The following SVEP1 variants were observed in gnomAD, a reference collection of about 807,000 sequenced individuals.
SVEP1 encodes sushi, von Willebrand factor type A, EGF and pentraxin domain containing 1, also known as sushi, von Willebrand factor type A, EGF and pentraxin domain-containing protein 1.
Under a neutral mutation model 367.3 loss-of-function variants are expected in SVEP1, and 164 were observed. The ratio of observed to expected loss-of-function variants is 0.45; its 90% CI spans 0.39 to 0.51. The LOEUF (loss-of-function observed/expected upper bound fraction) is 0.51, where lower values mean the gene tolerates loss of function less well. Among genes scored for constraint, SVEP1 ranks in the 20% least tolerant of loss-of-function variants. The pLI is 0.00. For missense variants in SVEP1, 4,117 were observed against 4,425.3 expected (o/e 0.93, Z 1.98); for synonymous variants, 1,666 against 1,611.6 (o/e 1.03, Z -0.81).
intron 29 of SVEP1, among the ~76,000 whole-genome samples, 194 bp from the exon 30 acceptor site, chr9:110,434,700 T>C (rs895417476): frequency 4.5e-5 from 3 of 65,944 alleles, no homozygotes; most frequent in Non-Finnish European, 6.4e-5. Context: ...TTTAAGTCAA[T>C]AACTCTCCCT....
intron 9 of SVEP1, among the ~76,000 whole-genome samples, chr9:110,485,712 C>T (rs762399646): frequency 1.5e-4 from 23 of 152,044 alleles, no homozygotes; most frequent in Non-Finnish European, 3.1e-4. Context: ...CATTATTTTT[C>T]TGATTTTGTA....
rs954217461 is a variant in SVEP1, at chr9:110,407,066, C to G, written c.8534G>C (p.Arg2845Thr). The G allele has an allele frequency of 9.9e-6, 16 of 1,613,892 alleles. No individual in the cohort carries two copies. Among genetic ancestry groups the G allele is most frequent in the Non-Finnish European group, 1.4e-5 (16 of 1,179,904 alleles). The change falls in exon 38 of 48, where the codon AGA becomes ACA. Residue 2845 changes from arginine to threonine, a missense_variant. By Grantham distance (71) the Arg-to-Thr change is moderately conservative. Transcript: ENST00000374469. Reference protein sequence around the residue: ...SPPVSANGQVRGDEYTFQKEI... With the variant: ...SPPVSANGQVTGDEYTFQKEI... ...TTTTTGGAATGTGTACTCGTCTCCT[C>G]TCACCTGGCCATTGGCTGAGACTGG...
At chr9:110,560,109 T>C (rs146930209) in intron 1 of SVEP1, among the ~76,000 whole-genome samples, 10 of 152,310 alleles carry the variant, frequency 6.6e-5, no homozygotes, top group Admixed American at 2.6e-4. Flanking sequence ...CATAAGATTA[T>C]AATGCCATAT....
At chr9:110,566,285 G>A (rs1023399427) in intron 1 of SVEP1, among the ~76,000 whole-genome samples, 7 of 151,252 alleles carry the variant, frequency 4.6e-5, no homozygotes, top group African/African-American at 1.7e-4. Context: ...TAGTGCCACT[G>A]CATGCCAGCC....
At chr9:110,553,282 A>G (rs1247491465) in intron 1 of SVEP1, among the ~76,000 whole-genome samples, 1 of 152,220 alleles carries the variant, frequency 6.6e-6, no homozygotes, top group African/African-American at 2.4e-5. Context: ...TCAAAAGTGC[A>G]GTGCTTGAGA....
intron 29 of SVEP1, 121 bp from the exon 30 acceptor site, chr9:110,434,627 A>G: frequency 1.6e-6 from 1 of 617,830 alleles, no homozygotes; most frequent in Non-Finnish European, 2.4e-6. Flanking sequence ...ATGTGAAAAC[A>G]AGTTAACATG....
chr9:110,481,567 T>A (rs1388556814), intron 11 of SVEP1, 131 bp from the exon 12 acceptor site: 1 of 576,850 alleles, frequency 1.7e-6, no homozygotes, highest in Non-Finnish European at 2.7e-6. Flanking sequence ...TTTTACCATA[T>A]GTCTTTAGTG....
In SVEP1 at chr9:110,365,348, C is replaced by T. The variant is rs1564119047; in HGVS notation, c.*1191G>A. ...AATGTCAAGAGAAAGAAGGAGGAGTCAATGGCTGAGGGATGCCTACGGTAG... is the reference window on the plus strand; with the variant it reads ...AATGTCAAGAGAAAGAAGGAGGAGTTAATGGCTGAGGGATGCCTACGGTAG... On this transcript the variant is annotated 3_prime_UTR_variant, in exon 48 of 48. Coordinates refer to ENST00000374469, the MANE Select transcript of SVEP1 (RefSeq NM_153366.4). 1 of 152,200 alleles carries T rather than the reference C, an allele frequency of 6.6e-6. No homozygotes were observed. Among genetic ancestry groups the T allele is most frequent in the Non-Finnish European group, 1.5e-5 (1 of 68,070 alleles). 9.4% of individuals were successfully genotyped at this position (152,200 alleles called of 1,614,324 possible).
intron 40 of SVEP1, among the ~76,000 whole-genome samples, chr9:110,391,644 T>TAAC (rs1355846468): frequency 2.6e-5 from 4 of 152,134 alleles, no homozygotes; most frequent in African/African-American, 9.7e-5. Flanking sequence ...ATCCTGGTAT[T>TAAC]AACTACAAAA....
At chr9:110,515,296 A>ATTTT (rs56032828) in intron 3 of SVEP1, among the ~76,000 whole-genome samples, 1 of 101,490 alleles carries the variant, frequency 9.9e-6, no homozygotes, top group African/African-American at 3.8e-5. Context: ...TTATGTGGGG[A>ATTTT]TTTTTTTTTT....
chr9:110,548,252 CTG>C, intron 2 of SVEP1, among the ~76,000 whole-genome samples: 1 of 152,088 alleles, frequency 6.6e-6, no homozygotes, highest in East Asian at 1.9e-4. Context: ...CTGAAAACCT[CTG>C]TGATACATAT....
intron 21 of SVEP1, among the ~76,000 whole-genome samples, chr9:110,456,685 G>T (rs1472715077): frequency 6.6e-6 from 1 of 152,022 alleles, no homozygotes; most frequent in East Asian, 1.9e-4. Context: ...CAATTTTAAG[G>T]TATAGTTCAT....
At chr9:110,410,334 A>G (rs1297456253) in intron 37 of SVEP1, among the ~76,000 whole-genome samples, 1 of 152,204 alleles carries the variant, frequency 6.6e-6, no homozygotes, top group African/African-American at 2.4e-5. Flanking sequence ...AAAGCAGGAC[A>G]TATTTGGGTT....
At chr9:110,374,798 C>G (rs1259390050) in intron 46 of SVEP1, among the ~76,000 whole-genome samples, 1 of 152,150 alleles carries the variant, frequency 6.6e-6, no homozygotes, top group Admixed American at 6.5e-5. Flanking sequence ...AACAGAACTA[C>G]CATTCAACCC....
In SVEP1 at chr9:110,430,389, A is replaced by G. The variant is rs1246253396; in HGVS notation, c.5415T>C (p.Tyr1805=). 6.2e-7 allele frequency: 1 copy of G among 1,613,382 alleles called. No homozygotes were observed. Among genetic ancestry groups the G allele is most frequent in the Non-Finnish European group, 8.5e-7 (1 of 1,179,666 alleles). Reference sequence around the variant, plus strand: ...AAAATGTGACTTCGGCACCTACTGTATAAATCTCACCTGAGGAGTGGCCAT... The same window carrying G: ...AAAATGTGACTTCGGCACCTACTGTGTAAATCTCACCTGAGGAGTGGCCAT... ...PENGHSSGEI[Y]TVGAEVTFSC... is the part of the protein sequence containing the mutation. The change falls in exon 33 of 48, where the codon TAT becomes TAC. Residue 1805 remains tyrosine, a synonymous_variant. Coordinates refer to ENST00000374469, the MANE Select transcript of SVEP1 (RefSeq NM_153366.4).
At chr9:110,498,127 G>C (rs1426398281) in intron 7 of SVEP1, among the ~76,000 whole-genome samples, 2 of 152,188 alleles carry the variant, frequency 1.3e-5, no homozygotes, top group African/African-American at 2.4e-5. Context: ...GGTAACGTGA[G>C]TCTAATTCTT....
At chr9:110,564,371 G>A (rs1368503470) in intron 1 of SVEP1, among the ~76,000 whole-genome samples, 2 of 152,082 alleles carry the variant, frequency 1.3e-5, no homozygotes, top group African/African-American at 2.4e-5. Context: ...AAGTTTAGCA[G>A]GAATTTAGAA....
chr9:110,548,516 C>T (rs1830246518), intron 2 of SVEP1, among the ~76,000 whole-genome samples: 1 of 151,700 alleles, frequency 6.6e-6, no homozygotes, highest in Non-Finnish European at 1.5e-5. Context: ...TACAAGAAAC[C>T]TAAGGAATAT....
At chr9:110,416,888 A>T (rs1433207835) in intron 36 of SVEP1, among the ~76,000 whole-genome samples, 1 of 152,022 alleles carries the variant, frequency 6.6e-6, no homozygotes, top group Non-Finnish European at 1.5e-5. Flanking sequence ...GATATTTAGC[A>T]TTTTTCCTAG....
Sources: gnomAD v4.1 joint callset for allele counts (sites outside exome capture counted in the v4.1 genomes callset) on GRCh38, gnomAD v4.1.1 for gene constraint, MANE v1.5 for transcripts, NCBI Gene and HGNC (gene_info 2026-07-23, HGNC 2026-07-21) for gene names.